The following SSBP3 variants were observed in gnomAD, a reference collection of about 807,000 sequenced individuals.
SSBP3 encodes the protein single stranded DNA binding protein 3, also known as single-stranded DNA-binding protein 3.
In SSBP3, 5 loss-of-function variants were observed where a neutral mutation model predicts 69.6. The observed-to-expected ratio is 0.07, with a 90% CI of 0.04 to 0.15. The LOEUF (loss-of-function observed/expected upper bound fraction) is 0.15. SSBP3 is among the 10% of genes least tolerant of loss of function. The pLI is 1.00. For missense variants in SSBP3, 312 were observed against 534.0 expected, an observed-to-expected ratio of 0.58 and a Z score of 4.10; for synonymous variants, 196 against 193.4, an observed-to-expected ratio of 1.01 and a Z score of -0.11.
At chr1:54,232,942 T>C (rs1203903942) in intron 14 of SSBP3, among the ~76,000 whole-genome samples, 1 of 151,922 alleles carries the variant, frequency 6.6e-6, no homozygotes, top group Non-Finnish European at 1.5e-5. Context: ...AACCTCCACC[T>C]CCCAGCCGCC....
chr1:54,296,594 G>A (rs779035346), intron 4 of SSBP3, among the ~76,000 whole-genome samples: 8 of 152,176 alleles, frequency 5.3e-5, no homozygotes, highest in Non-Finnish European at 7.4e-5. Flanking sequence ...TCTGGAATCC[G>A]GTTTTCCCAA....
chr1:54,316,894 G>A (rs1569781364), intron 4 of SSBP3, among the ~76,000 whole-genome samples: 3 of 152,044 alleles, frequency 2.0e-5, no homozygotes, highest in Non-Finnish European at 4.4e-5. Flanking sequence ...CTTCAAAAAT[G>A]GCACCTTCTT....
chr1:54,382,803 T>A (rs1451298522), intron 4 of SSBP3, among the ~76,000 whole-genome samples: 2 of 151,204 alleles, frequency 1.3e-5, no homozygotes, highest in African/African-American at 2.4e-5. Context: ...CTGACCAACT[T>A]GGAGAAACCC....
At chr1:54,361,057 T>C (rs1371714354) in intron 4 of SSBP3, among the ~76,000 whole-genome samples, 4 of 152,010 alleles carry the variant, frequency 2.6e-5, no homozygotes, top group Non-Finnish European at 5.9e-5. Context: ...ACCACTGCAT[T>C]CCAGCCTGGG....
chr1:54,248,302 G>A (rs1644767977), intron 9 of SSBP3, among the ~76,000 whole-genome samples: 1 of 152,226 alleles, frequency 6.6e-6, no homozygotes. Flanking sequence ...GCAGTAGGCA[G>A]GGCTCCCTCC....
intron 2 of SSBP3, 48 bp downstream of exon 2, chr1:54,404,810 G>GGT: frequency 1.4e-6 from 1 of 729,828 alleles, no homozygotes; most frequent in South Asian, 1.8e-5. Context: ...AAGAATAGTG[G>GGT]GGGGGGGGGG....
At chr1:54,237,426 C>G (rs1225140365) in intron 14 of SSBP3, 1 of 152,182 alleles carries the variant, frequency 6.6e-6, no homozygotes, top group Non-Finnish European at 1.5e-5. Flanking sequence ...GAACTGCTGT[C>G]TCTTTGGAGG....
intron 4 of SSBP3, among the ~76,000 whole-genome samples, chr1:54,315,208 A>G (rs985339300): frequency 6.6e-6 from 1 of 152,156 alleles, no homozygotes; most frequent in Non-Finnish European, 1.5e-5. Flanking sequence ...CTCAAGGCCA[A>G]GGCTCTCTGG....
intron 5 of SSBP3, among the ~76,000 whole-genome samples, chr1:54,276,346 C>G (rs1017290789): frequency 6.4e-4 from 97 of 151,940 alleles, no homozygotes; most frequent in African/African-American, 2.3e-3. Flanking sequence ...GGCGTGGTGG[C>G]TCAGGCCTGT....
chr1:54,400,799 A>T (rs554476003), intron 4 of SSBP3, among the ~76,000 whole-genome samples: 1 of 152,314 alleles, frequency 6.6e-6, no homozygotes, highest in Non-Finnish European at 1.5e-5. Context: ...CCACTTGTGA[A>T]ATAACCAGAT....
intron 4 of SSBP3, among the ~76,000 whole-genome samples, chr1:54,386,829 C>T (rs1648125065): frequency 6.6e-6 from 1 of 151,520 alleles, no homozygotes. Flanking sequence ...CGCACACCAC[C>T]TCACCCAGTT....
At chr1:54,409,639 C>T (rs977557159), upstream of SSBP3, among the ~76,000 whole-genome samples, 2 of 152,182 alleles carry the variant, frequency 1.3e-5, no homozygotes, top group Non-Finnish European at 2.9e-5. Flanking sequence ...AAACTACAGA[C>T]ACCTGGAACT....
chr1:54,342,530 C>T (rs1646627119), intron 4 of SSBP3, among the ~76,000 whole-genome samples: 1 of 152,158 alleles, frequency 6.6e-6, no homozygotes, highest in African/African-American at 2.4e-5. Flanking sequence ...CCACCCCCTC[C>T]CATTCCCAGG....
At chr1:54,315,320 G>A (rs192971767) in intron 4 of SSBP3, among the ~76,000 whole-genome samples, 5 of 152,160 alleles carry the variant, frequency 3.3e-5, no homozygotes, top group South Asian at 2.1e-4. Context: ...TCCAGCCGCC[G>A]CCTGTCCCTC....
intron 1 of SSBP3, 29 bp downstream of exon 1, chr1:54,405,924 G>C (rs1220333321): frequency 4.1e-6 from 5 of 1,212,544 alleles, no homozygotes; most frequent in Non-Finnish European, 5.3e-6. Context: ...CGGCGGCGGC[G>C]CGGCCGCCAC....
chr1:54,374,557 C>T (rs190053059), intron 4 of SSBP3, among the ~76,000 whole-genome samples: 125 of 152,302 alleles, frequency 8.2e-4, no homozygotes, highest in African/African-American at 2.9e-3. Flanking sequence ...CTCAACTATC[C>T]TATAATGGAT....
At chr1:54,338,011 C>T (rs571540479) in intron 4 of SSBP3, among the ~76,000 whole-genome samples, 4 of 152,096 alleles carry the variant, frequency 2.6e-5, no homozygotes, top group Admixed American at 2.0e-4. Context: ...AGTCCCAGGC[C>T]GACTGAGAAA....
At chr1:54,403,394 T>C (rs896897667) in intron 3 of SSBP3, among the ~76,000 whole-genome samples, 7 of 152,154 alleles carry the variant, frequency 4.6e-5, no homozygotes, top group African/African-American at 1.7e-4. Context: ...CTAAGTAACC[T>C]TCAATCATAA....
chr1:54,295,551 C>T (rs1478366112), intron 4 of SSBP3, among the ~76,000 whole-genome samples: 3 of 152,180 alleles, frequency 2.0e-5, no homozygotes. Context: ...AGCTCCAGCT[C>T]TTGGGCTCCC....
Sources: allele counts gnomAD v4.1 joint callset (sites outside exome capture counted in the v4.1 genomes callset), GRCh38; gene constraint gnomAD v4.1.1; transcripts MANE v1.5; gene names NCBI Gene and HGNC (gene_info 2026-07-23, HGNC 2026-07-21).